The following DLGAP2 variants were observed in gnomAD, a reference collection of about 807,000 sequenced individuals.
DLGAP2 encodes the protein DLG associated protein 2.
Under a neutral mutation model 100.3 loss-of-function variants are expected in DLGAP2, and 26 were observed. The ratio of observed to expected loss-of-function variants is 0.26; its 90% CI spans 0.19 to 0.36. The LOEUF (loss-of-function observed/expected upper bound fraction) is 0.36, where lower values mean the gene tolerates loss of function less well. Ranked by LOEUF, DLGAP2 falls within the 10% of genes least tolerant of loss-of-function variation. The pLI is 1.00. For missense variants in DLGAP2, 1,858 were observed against 1,453.2 expected, an observed-to-expected ratio of 1.28 and a Z score of -4.53; for synonymous variants, 886 against 630.1, an observed-to-expected ratio of 1.41 and a Z score of -6.08.
At chr8:1,538,185 C>A (rs374483759) in intron 4 of DLGAP2, among the ~76,000 whole-genome samples, 1 of 152,280 alleles carries the variant, frequency 6.6e-6, no homozygotes, top group African/African-American at 2.4e-5. Context: ...CTTTTCCTTC[C>A]TGTTTTCTCT....
At chr8:1,234,316 C>T (rs1798598306) in intron 2 of DLGAP2, among the ~76,000 whole-genome samples, 1 of 152,160 alleles carries the variant, frequency 6.6e-6, no homozygotes, top group Non-Finnish European at 1.5e-5. Flanking sequence ...CTGCAGGCTG[C>T]TTTCTTCTGA....
At chr8:974,051 G>C (rs186641050) in intron 2 of DLGAP2, among the ~76,000 whole-genome samples, 13 of 152,224 alleles carry the variant, frequency 8.5e-5, no homozygotes, top group African/African-American at 3.1e-4. Flanking sequence ...AACATATGTG[G>C]AATGGTAATA....
At chr8:1,238,509 A>AGTTCTCTCACATGGCGCCGTGTCTG (rs1798714591) in intron 2 of DLGAP2, among the ~76,000 whole-genome samples, 1 of 124,112 alleles carries the variant, frequency 8.1e-6, no homozygotes, top group African/African-American at 3.0e-5. Flanking sequence ...CGCCGTGTCT[A>AGTTCTCTCACATGGCGCCGTGTCTG]GTTCTCTCAC....
At chr8:1,017,772 TC>T (rs1801509450) in intron 2 of DLGAP2, among the ~76,000 whole-genome samples, 1 of 152,160 alleles carries the variant, frequency 6.6e-6, no homozygotes, top group African/African-American at 2.4e-5. Flanking sequence ...GCGGGTAGAC[TC>T]GTCTGAGTGC....
chr8:1,674,772 G>GAAAT, intron 10 of DLGAP2, among the ~76,000 whole-genome samples: 1 of 152,136 alleles, frequency 6.6e-6, no homozygotes, highest in Non-Finnish European at 1.5e-5. Flanking sequence ...CAGAAAACTA[G>GAAAT]AAATAACCAA....
Position 1,326,899 on chromosome 8 carries a change from G to T in DLGAP2, c.106+68016G>T, listed in dbSNP as rs370597286. 1.4e-3 allele frequency among the ~76,000 whole-genome samples: 206 copies of T among 152,326 alleles called. 1 individual carries two copies. Among genetic ancestry groups the T allele is most frequent in the African/African-American group, 4.9e-3 (202 of 41,578 alleles). ...CATGTAAACACAGTGACAATACAGG[G>T]AGAAGAGAAAAAGTGGAAAAAACTG... On this transcript the variant is annotated intron_variant, in intron 3 of 14. Coordinates refer to ENST00000637795, the MANE Select transcript of DLGAP2 (RefSeq NM_001346810.2).
At chr8:1,518,483 A>AT (rs1414349365) in intron 4 of DLGAP2, among the ~76,000 whole-genome samples, 4 of 152,228 alleles carry the variant, frequency 2.6e-5, no homozygotes, top group African/African-American at 9.6e-5. Flanking sequence ...CAAAGCTGAC[A>AT]TTTATATAAC....
Position 1,258,564 on chromosome 8 carries a change from G to A in DLGAP2, c.74-287G>A, listed in dbSNP as rs1366291843. Among the ~76,000 whole-genome samples, 5 of 152,100 alleles carry A rather than the reference G, an allele frequency of 3.3e-5. No individual in the cohort carries two copies. In the East Asian group the frequency reaches 7.7e-4, roughly 23 times the overall value. ...ACCTGTATACCTATGTAAGCTGCAC[G>A]TTCTGCACATGTATCCCAGAACTTA... is the stretch of plus-strand genomic sequence containing the variant. On this transcript the variant is annotated intron_variant, in intron 2 of 14. Coordinates refer to ENST00000637795, the MANE Select transcript of DLGAP2 (RefSeq NM_001346810.2).
At chr8:779,189 C>G (rs1413973736) in intron 1 of DLGAP2, among the ~76,000 whole-genome samples, 1 of 152,258 alleles carries the variant, frequency 6.6e-6, no homozygotes, top group Non-Finnish European at 1.5e-5. Flanking sequence ...ATGCCTCGCC[C>G]TGCTTCGGCT....
intron 2 of DLGAP2, among the ~76,000 whole-genome samples, chr8:924,475 G>A (rs1309912086): frequency 6.6e-6 from 1 of 152,178 alleles, no homozygotes; most frequent in Non-Finnish European, 1.5e-5. Context: ...TAAGCCCGGT[G>A]AAGTTTAGTG....
chr8:855,328 G>C (rs866709918), intron 1 of DLGAP2, among the ~76,000 whole-genome samples: 3 of 121,780 alleles, frequency 2.5e-5, no homozygotes, highest in Non-Finnish European at 5.6e-5. Flanking sequence ...GCTCCCAGCG[G>C]GTGTGTACGG....
intron 3 of DLGAP2, among the ~76,000 whole-genome samples, chr8:1,388,408 G>A (rs1448307866): frequency 2.3e-5 from 2 of 86,050 alleles, no homozygotes; most frequent in Non-Finnish European, 4.4e-5. Flanking sequence ...AGCAGAGGCC[G>A]TGGATGGGGA....
At position 840,895 on chromosome 8, in the gene DLGAP2, T is replaced by A. The variant is rs181697527; in HGVS notation, c.19-67017T>A. ...TTGGCAGCTGGATCCAGAGACTGGA[T>A]CCCCTTGTGTATTCTGTTTGGCAGG... On this transcript the variant is annotated intron_variant, in intron 1 of 14. Transcript: ENST00000637795. 3.9e-3 allele frequency among the ~76,000 whole-genome samples: 591 copies of A among 152,334 alleles called. 1 individual carries two copies. Among genetic ancestry groups the A allele is most frequent in the Non-Finnish European group, 6.2e-3 (422 of 68,032 alleles).
intron 3 of DLGAP2, among the ~76,000 whole-genome samples, chr8:1,310,923 CAG>C (rs776729618): frequency 5.9e-5 from 9 of 151,910 alleles, no homozygotes; most frequent in Non-Finnish European, 1.2e-4. Context: ...AGCTATCAGA[CAG>C]AATTAACACA....
At chr8:1,033,886 G>A (rs1802050230) in intron 2 of DLGAP2, among the ~76,000 whole-genome samples, 2 of 111,958 alleles carry the variant, frequency 1.8e-5, no homozygotes, top group East Asian at 5.9e-4. Flanking sequence ...CCGACCCCGC[G>A]TGTCACCGCG....
At chr8:1,382,430 A>C (rs1051178858) in intron 3 of DLGAP2, among the ~76,000 whole-genome samples, 1 of 152,138 alleles carries the variant, frequency 6.6e-6, no homozygotes, top group African/African-American at 2.4e-5. Flanking sequence ...GTGCGTGAAT[A>C]TATGTGCAGA....
intron 1 of DLGAP2, among the ~76,000 whole-genome samples, chr8:876,896 A>G (rs1585962494): frequency 7.0e-6 from 1 of 141,974 alleles, no homozygotes; most frequent in Non-Finnish European, 1.5e-5. Context: ...CCTTTTCCTG[A>G]TGTTGGAATC....
chr8:958,434 T>C (rs2129009348), intron 2 of DLGAP2, among the ~76,000 whole-genome samples: 1 of 152,214 alleles, frequency 6.6e-6, no homozygotes, highest in South Asian at 2.1e-4. Flanking sequence ...CAAGTGGAAT[T>C]GCAGGGTCAT....
intron 3 of DLGAP2, among the ~76,000 whole-genome samples, chr8:1,334,357 C>T (rs1353893156): frequency 6.6e-6 from 1 of 152,178 alleles, no homozygotes; most frequent in Non-Finnish European, 1.5e-5. Flanking sequence ...ATCCACCTGT[C>T]ACCAACCCAA....
Sources: gnomAD v4.1 joint callset for allele counts (sites outside exome capture counted in the v4.1 genomes callset) on GRCh38, gnomAD v4.1.1 for gene constraint, MANE v1.5 for transcripts, NCBI Gene and HGNC (gene_info 2026-07-23, HGNC 2026-07-21) for gene names.